ZNF569: variants seen among roughly 807,000 people sequenced by gnomAD.
ZNF569 encodes DNA-binding protein.
ZNF569 carries 38 observed loss-of-function variants against 56.3 expected under a neutral mutation model. That is an observed-to-expected ratio of 0.68 (90% CI 0.52 to 0.88). The LOEUF is 0.88. ZNF569 is among the 40% of genes least tolerant of loss of function. The pLI is 0.00. For synonymous variants in ZNF569, 241 were observed against 262.9 expected (o/e 0.92, Z 0.81); for missense variants, 666 against 809.2 (o/e 0.82, Z 2.15).
intron 3 of ZNF569, 144 bp from the exon 4 acceptor site, chr19:37,426,522 C>T: frequency 1.2e-6 from 1 of 859,850 alleles, no homozygotes; most frequent in Non-Finnish European, 1.6e-6. Flanking sequence ...TATGTTCATT[C>T]ACTGATTAGC....
At position 37,426,293 on chromosome 19, in the gene ZNF569, C is replaced by T. The variant is rs143190321; in HGVS notation, c.101G>A (p.Arg34Gln). The change falls in exon 4 of 6, where the codon CGG becomes CAG. Residue 34 changes from arginine (R) to glutamine (Q), a missense_variant. Transcript: ENST00000316950. The stretch of plus-strand genomic sequence containing the variant: ...GTTATAGTTTTCTAGCATCACATTC[C>T]GGTACAGTTTTCTCTGAGCAGGATC... Reference protein sequence around the residue: ...RLDPAQRKLYRNVMLENYNNL... With the variant: ...RLDPAQRKLYQNVMLENYNNL... 351 of 1,613,558 alleles carry T rather than the reference C, an allele frequency of 2.2e-4. No individual in the cohort carries two copies. The highest frequency in any genetic ancestry group is 1.6e-4 in the Non-Finnish European group (194 of 1,179,840).
intron 3 of ZNF569, among the ~76,000 whole-genome samples, chr19:37,435,870 A>C (rs980258352): frequency 6.6e-6 from 1 of 152,232 alleles, no homozygotes; most frequent in Non-Finnish European, 1.5e-5. Flanking sequence ...ACAGTAAAAG[A>C]GAGAGATAGA....
At chr19:37,423,611 C>T (rs879148098) in intron 5 of ZNF569, among the ~76,000 whole-genome samples, 9 of 151,914 alleles carry the variant, frequency 5.9e-5, no homozygotes, top group African/African-American at 1.7e-4. Flanking sequence ...AGTACTTCAA[C>T]GAGGAATAAT....
intron 5 of ZNF569, among the ~76,000 whole-genome samples, chr19:37,415,036 T>C (rs1450067397): frequency 6.6e-6 from 1 of 152,088 alleles, no homozygotes; most frequent in Non-Finnish European, 1.5e-5. Flanking sequence ...ATTCCTGATG[T>C]TTTTGTGTAT....
chr19:37,465,876 A>G (rs1051056881), intron 1 of ZNF569, among the ~76,000 whole-genome samples: 3 of 152,270 alleles, frequency 2.0e-5, no homozygotes, highest in Non-Finnish European at 4.4e-5. Context: ...AAGAAGCTAC[A>G]GAGAACTAAA....
rs748427912 is a variant in ZNF569 at position 37,413,862 on chromosome 19, C to T, written c.796G>A (p.Gly266Arg). The T allele has an allele frequency of 3.7e-6, 6 of 1,613,396 alleles. No homozygotes were observed. The highest frequency in any genetic ancestry group is 5.1e-6 in the Non-Finnish European group (6 of 1,179,930). ...TCCTTACATGCATAGGGCTTCTCTC[C>T]AGTATGAATTCTTTGATGTCTAATG... ...NLIRHQRIHTGEKPYACKECE... is the reference protein window; with the variant it reads ...NLIRHQRIHTREKPYACKECE... The change falls in exon 6 of 6, where the codon GGA becomes AGA. Residue 266 changes from glycine (G) to arginine (R), a missense_variant. Physicochemically the swap from Gly to Arg is moderately radical, Grantham distance 125. Coordinates refer to ENST00000316950, the MANE Select transcript of ZNF569 (RefSeq NM_152484.3).
At chr19:37,464,135 C>T (rs1015276221) in intron 2 of ZNF569, among the ~76,000 whole-genome samples, 1 of 152,156 alleles carries the variant, frequency 6.6e-6, no homozygotes, top group African/African-American at 2.4e-5. Context: ...TTCATATTCA[C>T]TCACCACCAC....
rs750264422 is a variant in ZNF569, at chr19:37,414,257, T to C, written c.401A>G (p.His134Arg). The C allele has an allele frequency of 2.5e-6, 4 of 1,613,628 alleles. No individual in the cohort carries two copies. The South Asian group carries it at 3.3e-5, about 13-fold the overall frequency. ...AAATAAGTCATACTCATAGAGATTG[T>C]GTCTGGAAGGGAAAAAATCAGAGTT... ...PLNSDFFPSR[H>R]NLYEYDLFGK... The change falls in exon 6 of 6, where the codon CAC (histidine) becomes CGC (arginine). Residue 134 changes from histidine to arginine, a missense_variant. Coordinates refer to ENST00000316950, the MANE Select transcript of ZNF569 (RefSeq NM_152484.3).
intron 2 of ZNF569, among the ~76,000 whole-genome samples, chr19:37,449,236 AAT>A (rs1263119470): frequency 6.6e-6 from 1 of 152,166 alleles, no homozygotes; most frequent in Non-Finnish European, 1.5e-5. Flanking sequence ...TATGGCCCCA[AAT>A]ATGATCTATG....
chr19:37,453,021 T>C (rs765074979), intron 2 of ZNF569, among the ~76,000 whole-genome samples: 15 of 152,192 alleles, frequency 9.9e-5, no homozygotes, highest in Non-Finnish European at 2.2e-4. Context: ...ATCACTCCCC[T>C]GACTGAATTA....
chr19:37,432,502 T>TA (rs1476823388), intron 3 of ZNF569, among the ~76,000 whole-genome samples: 1 of 152,216 alleles, frequency 6.6e-6, no homozygotes, highest in Admixed American at 6.5e-5. Flanking sequence ...ACCAAAAACT[T>TA]AGATCACAAC....
intron 4 of ZNF569, 144 bp downstream of exon 4, chr19:37,426,108 C>A: frequency 7.9e-7 from 1 of 1,272,186 alleles, no homozygotes; most frequent in Non-Finnish European, 1.1e-6. Context: ...CTGAAAACTG[C>A]AGCATGGACA....
rs367698134 is a variant in ZNF569 at position 37,412,615 on chromosome 19, C to G, written c.2043G>C (p.Gln681His). Residue 681 changes from glutamine (Q) to histidine (H), a missense_variant, in exon 6 of 6, where the codon CAG (glutamine) becomes CAC (histidine). Coordinates refer to ENST00000316950, the MANE Select transcript of ZNF569 (RefSeq NM_152484.3). ...FSQKSHLVRH[Q>H]RIHTH ...AGGGTTTCTAATGAGTATGAATTCT[C>G]TGGTGTCTAACAAGGTGCGACTTTT... 4.4e-6 allele frequency: 7 copies of G among 1,602,360 alleles called. No individual in the cohort carries two copies. In the African/African-American group the frequency reaches 8.1e-5, roughly 19 times the overall value.
chr19:37,454,403 C>T (rs1275191085), intron 2 of ZNF569, among the ~76,000 whole-genome samples: 1 of 152,076 alleles, frequency 6.6e-6, no homozygotes, highest in African/African-American at 2.4e-5. Flanking sequence ...GACACCATAT[C>T]CCTAAGTCTT....
At chr19:37,445,149 T>C (rs1014612041) in intron 2 of ZNF569, among the ~76,000 whole-genome samples, 185 bp from the exon 3 acceptor site, 1 of 152,114 alleles carries the variant, frequency 6.6e-6, no homozygotes, top group African/African-American at 2.4e-5. Flanking sequence ...CATGCAGAGC[T>C]TGGGCACAGG....
intron 3 of ZNF569, among the ~76,000 whole-genome samples, chr19:37,436,478 A>G (rs1391728458): frequency 6.6e-6 from 1 of 151,978 alleles, no homozygotes; most frequent in Non-Finnish European, 1.5e-5. Flanking sequence ...AAAATAAATA[A>G]TAAAGATCAG....
chr19:37,460,423 A>G (rs1049782936), intron 2 of ZNF569, among the ~76,000 whole-genome samples: 3 of 152,160 alleles, frequency 2.0e-5, no homozygotes, highest in Non-Finnish European at 4.4e-5. Flanking sequence ...GATTACACGC[A>G]TGAGCCACCA....
intron 2 of ZNF569, among the ~76,000 whole-genome samples, chr19:37,448,556 C>CTTTTTTTTTTTT (rs545559315): frequency 1.4e-5 from 1 of 72,530 alleles, no homozygotes. Flanking sequence ...ATGCTGTAAT[C>CTTTTTTTTTTTT]TTTTTTTTTT....
chr19:37,433,445 A>G (rs1478314440), intron 3 of ZNF569, among the ~76,000 whole-genome samples: 1 of 152,204 alleles, frequency 6.6e-6, no homozygotes, highest in African/African-American at 2.4e-5. Flanking sequence ...CGATGGGATA[A>G]CAATAGAGAA....
Sources: gnomAD v4.1 joint callset for allele counts (sites outside exome capture counted in the v4.1 genomes callset) on GRCh38, gnomAD v4.1.1 for gene constraint, MANE v1.5 for transcripts, NCBI Gene and HGNC (gene_info 2026-07-23, HGNC 2026-07-21) for gene names.